Variants in PITPNC1 observed in about 807,000 individuals in gnomAD.
The protein encoded by PITPNC1 is cytoplasmic phosphatidylinositol transfer protein 1.
In PITPNC1, 18 loss-of-function variants were observed where a neutral mutation model predicts 44.7. That is an observed-to-expected ratio of 0.40 (90% CI 0.28 to 0.60). The LOEUF is 0.60. Among genes scored for constraint, PITPNC1 ranks in the 20% least tolerant of loss-of-function variants. PITPNC1 has a pLI of 0.39. For synonymous variants in PITPNC1, 141 were observed against 149.6 expected (o/e 0.94, Z 0.42); for missense variants, 290 against 418.4 (o/e 0.69, Z 2.68).
chr17:67,469,240 C>T (rs2039477013), intron 1 of PITPNC1, among the ~76,000 whole-genome samples: 1 of 152,164 alleles, frequency 6.6e-6, no homozygotes, highest in Admixed American at 6.5e-5. Flanking sequence ...GCTGTAGACA[C>T]TGTGAGAACT....
chr17:67,478,817 C>T (rs1430486762), intron 1 of PITPNC1, among the ~76,000 whole-genome samples: 1 of 152,024 alleles, frequency 6.6e-6, no homozygotes, highest in African/African-American at 2.4e-5. Flanking sequence ...GAAGACTTGG[C>T]CAATGCTCAC....
chr17:67,470,004 C>T (rs1243115965), intron 1 of PITPNC1, among the ~76,000 whole-genome samples: 3 of 151,978 alleles, frequency 2.0e-5, no homozygotes, highest in Admixed American at 2.0e-4. Flanking sequence ...CTCACTGTAA[C>T]CTCCGCCTCC....
chr17:67,387,976 G>A (rs1321059929), intron 1 of PITPNC1, among the ~76,000 whole-genome samples: 1 of 152,176 alleles, frequency 6.6e-6, no homozygotes, highest in African/African-American at 2.4e-5. Context: ...GTGGCTTGTG[G>A]CTGCCATACT....
At chr17:67,485,470 T>G (rs1335901368) in intron 1 of PITPNC1, among the ~76,000 whole-genome samples, 1 of 151,430 alleles carries the variant, frequency 6.6e-6, no homozygotes, top group Non-Finnish European at 1.5e-5. Context: ...ATTCAGGCGA[T>G]TCTCCTACCT....
chr17:67,540,300 T>G (rs1017460093), intron 2 of PITPNC1, among the ~76,000 whole-genome samples: 4 of 152,092 alleles, frequency 2.6e-5, no homozygotes, highest in African/African-American at 9.7e-5. Context: ...AGACGGTGTT[T>G]CACCATGTTG....
At chr17:67,555,188 G>A (rs1265547083) in intron 4 of PITPNC1, among the ~76,000 whole-genome samples, 1 of 152,126 alleles carries the variant, frequency 6.6e-6, no homozygotes, top group Non-Finnish European at 1.5e-5. Context: ...CCTCTTTTCT[G>A]AAATTAGAAT....
intron 5 of PITPNC1, among the ~76,000 whole-genome samples, chr17:67,623,665 T>C (rs985971029): frequency 3.3e-5 from 5 of 152,238 alleles, no homozygotes; most frequent in African/African-American, 9.6e-5. Flanking sequence ...ATTACAGGCA[T>C]GAGCCACCTT....
intron 1 of PITPNC1, among the ~76,000 whole-genome samples, chr17:67,456,696 A>T (rs2143962713): frequency 6.6e-6 from 1 of 151,760 alleles, no homozygotes; most frequent in South Asian, 2.1e-4. Flanking sequence ...TTTGTATTTT[A>T]TTCACTGTTA....
rs3028851 is a variant in PITPNC1, at chr17:67,678,218, T to TAAAA, written c.682+2686_682+2689dup. Among the ~76,000 whole-genome samples, 507 of 146,306 alleles carry TAAAA rather than the reference T, an allele frequency of 3.5e-3. 7 individuals carry two copies. Among genetic ancestry groups the TAAAA allele is most frequent in the Middle Eastern group, 6.9e-3 (2 of 290 alleles). On this transcript the variant is annotated intron_variant, in intron 8 of 8. Coordinates refer to ENST00000581322, the MANE Select transcript of PITPNC1 (RefSeq NM_012417.4). The stretch of plus-strand genomic sequence containing the variant: ...GTGACCGAACAAGACCTCGTCTCTT[T>TAAAA]AAAAAAAAAAAAAGAATTCTGGGAT...
At chr17:67,379,719 G>T (rs1049546420) in intron 1 of PITPNC1, among the ~76,000 whole-genome samples, 1 of 152,168 alleles carries the variant, frequency 6.6e-6, no homozygotes, top group African/African-American at 2.4e-5. Flanking sequence ...CACCTTGTGG[G>T]CAGTTGAGCT....
rs530252661 is a variant in PITPNC1 at position 67,460,571 on chromosome 17, C to T, written c.49-72231C>T. Among the ~76,000 whole-genome samples the T allele has an allele frequency of 5.9e-5, 9 of 151,616 alleles. No individual in the cohort carries two copies. In the South Asian group the frequency reaches 1.5e-3, roughly 25 times the overall value. Reference sequence around the variant, plus strand: ...CCCGAGTAGCTGGGATGTGCCACCACGCCTGGCTAATTTTTGTATTTTTAG... The same window carrying T: ...CCCGAGTAGCTGGGATGTGCCACCATGCCTGGCTAATTTTTGTATTTTTAG... On this transcript the variant is annotated intron_variant, in intron 1 of 8. Transcript: ENST00000581322.
intron 1 of PITPNC1, among the ~76,000 whole-genome samples, chr17:67,385,995 G>A (rs1211555771): frequency 6.6e-6 from 1 of 152,148 alleles, no homozygotes. Flanking sequence ...AAAGTAGGTA[G>A]TAATTAACTT....
intron 1 of PITPNC1, among the ~76,000 whole-genome samples, chr17:67,464,233 G>A (rs950887665): frequency 1.3e-5 from 2 of 151,940 alleles, no homozygotes; most frequent in Non-Finnish European, 2.9e-5. Flanking sequence ...GTTCATCTAA[G>A]TAGAGAAATA....
intron 1 of PITPNC1, among the ~76,000 whole-genome samples, chr17:67,469,972 G>A (rs545547410): frequency 6.6e-6 from 1 of 152,092 alleles, no homozygotes; most frequent in South Asian, 2.1e-4. Flanking sequence ...ATCCAGGCTG[G>A]AGTGCAGTTG....
chr17:67,675,563 TA>T, intron 8 of PITPNC1, 21 bp downstream of exon 8: 1 of 1,530,624 alleles, frequency 6.5e-7, no homozygotes, highest in Non-Finnish European at 9.1e-7. Context: ...TTCTCCAAAA[TA>T]ACTTGTAGAA....
At chr17:67,511,512 G>GT (rs1295824530) in intron 1 of PITPNC1, among the ~76,000 whole-genome samples, 5 of 151,950 alleles carry the variant, frequency 3.3e-5, no homozygotes, top group East Asian at 1.9e-4. Flanking sequence ...CTGGCTAGCT[G>GT]TTCTTTTTCT....
chr17:67,467,661 A>C (rs1469976609), intron 1 of PITPNC1, among the ~76,000 whole-genome samples: 1 of 151,996 alleles, frequency 6.6e-6, no homozygotes, highest in African/African-American at 2.4e-5. Context: ...AGTTACTGTC[A>C]CTCAGGGCAA....
chr17:67,648,948 G>T (rs570962760), intron 6 of PITPNC1, among the ~76,000 whole-genome samples: 4 of 152,196 alleles, frequency 2.6e-5, no homozygotes, highest in Non-Finnish European at 4.4e-5. Context: ...GAGGCCAGGA[G>T]TTTGAGACCA....
chr17:67,499,295 A>G (rs2039997740), intron 1 of PITPNC1, among the ~76,000 whole-genome samples: 1 of 152,006 alleles, frequency 6.6e-6, no homozygotes, highest in Admixed American at 6.6e-5. Context: ...GCTCACTGCA[A>G]CCTTCACCTC....
Sources: gnomAD v4.1 joint callset for allele counts (sites outside exome capture counted in the v4.1 genomes callset) on GRCh38, gnomAD v4.1.1 for gene constraint, MANE v1.5 for transcripts, NCBI Gene and HGNC (gene_info 2026-07-23, HGNC 2026-07-21) for gene names.